The following LHFPL4 variants were observed in gnomAD, a reference collection of about 807,000 sequenced individuals.
The protein encoded by LHFPL4 is LHFPL tetraspan subfamily member 4, also known as LHFPL tetraspan subfamily member 4 protein.
In LHFPL4, 6 loss-of-function variants were observed where a neutral mutation model predicts 20.0. That is an observed-to-expected ratio of 0.30 (90% CI 0.16 to 0.59). The LOEUF is 0.59. LHFPL4 is among the 20% of genes least tolerant of loss of function. LHFPL4 has a pLI of 0.88. For synonymous variants in LHFPL4, 129 were observed against 143.8 expected, an observed-to-expected ratio of 0.90 and a Z score of 0.74; for missense variants, 215 against 331.2, an observed-to-expected ratio of 0.65 and a Z score of 2.72.
Position 9,552,323 on chromosome 3 carries a change from G to A in LHFPL4, c.357C>T (p.Cys119=), listed in dbSNP as rs1156838454. 1.2e-6 allele frequency: 2 copies of A among 1,613,682 alleles called. No individual in the cohort carries two copies. Among genetic ancestry groups the A allele is most frequent in the Non-Finnish European group, 1.7e-6 (2 of 1,179,854 alleles). Residue 119 remains cysteine (C), a synonymous_variant, in exon 2 of 4, where the codon TGC becomes TGT. Transcript: ENST00000287585. The part of the protein sequence containing the change: ...CITCFSLFFF[C]NTATVYKICA... ...AGATCTTGTAGACCGTAGCCGTGTT[G>A]CAGAAGAAGAAAAGCGAAAAGCAGG... is the stretch of plus-strand genomic sequence containing the variant.
rs547654699 is a variant in LHFPL4 at position 9,535,990 on chromosome 3, G to A, written c.406+16284C>T. On this transcript the variant is annotated intron_variant, in intron 2 of 3. Coordinates refer to ENST00000287585, the MANE Select transcript of LHFPL4 (RefSeq NM_198560.3). ...CTAATTTTTGTATTTTTTTAGAGAG[G>A]GGGTTTCATCATGTTGCCCAGGCTG... Among the ~76,000 whole-genome samples the A allele has an allele frequency of 1.1e-4, 16 of 152,128 alleles. No individual in the cohort carries two copies. In the South Asian group the frequency reaches 3.1e-3, roughly 30 times the overall value.
At position 9,552,398 on chromosome 3, in the gene LHFPL4, C is replaced by G. The variant is rs141817196; in HGVS notation, c.282G>C (p.Ala94=). The G allele has an allele frequency of 2.5e-5, 40 of 1,613,812 alleles. No individual in the cohort carries two copies. Among genetic ancestry groups the G allele is most frequent in the African/African-American group, 4.0e-5 (3 of 74,938 alleles). ...TGGAGAGCAGCACGAAGAAGGCGGC[C>G]GCCTTGAAGGCGCTGGACGGGATGG... ...FSTIPSSAFK[A]AAFFVLLSMV... The change falls in exon 2 of 4, where the codon GCG becomes GCC. Residue 94 remains alanine, a synonymous_variant. Transcript: ENST00000287585.
At chr3:9,517,718 A>G (rs1343375377) in intron 2 of LHFPL4, among the ~76,000 whole-genome samples, 1 of 145,648 alleles carries the variant, frequency 6.9e-6, no homozygotes, top group African/African-American at 2.5e-5. Flanking sequence ...CCACTTGTTC[A>G]TTTCTGGTAC....
Position 9,528,132 on chromosome 3 carries a change from C to T in LHFPL4, c.407-21929G>A, listed in dbSNP as rs138950428. ...GCAATTTCTGAAAATAAGATAACAA[C>T]GAAGTTTGCCACATCGATTGACTTT... On this transcript the variant is annotated intron_variant, in intron 2 of 3. Transcript: ENST00000287585. Among the ~76,000 whole-genome samples the T allele has an allele frequency of 4.0e-3, 610 of 152,212 alleles. 3 individuals are homozygous for T. Among genetic ancestry groups the T allele is most frequent in the Non-Finnish European group, 6.4e-3 (433 of 68,010 alleles).
At chr3:9,543,897 A>G (rs969975311) in intron 2 of LHFPL4, among the ~76,000 whole-genome samples, 1 of 151,688 alleles carries the variant, frequency 6.6e-6, no homozygotes, top group African/African-American at 2.4e-5. Flanking sequence ...ATGCCCAGCT[A>G]GTTTTTGTAG....
chr3:9,530,026 C>CT (rs60964315), intron 2 of LHFPL4, among the ~76,000 whole-genome samples: 22,593 of 150,906 alleles, frequency 0.15, 2,640 homozygotes, highest in East Asian at 0.4. Context: ...GTCATTCAGG[C>CT]TTTTTCCATT....
chr3:9,533,935 C>T (rs182975072), intron 2 of LHFPL4, among the ~76,000 whole-genome samples: 197 of 151,888 alleles, frequency 1.3e-3, no homozygotes, highest in African/African-American at 4.6e-3. Context: ...TGCATAGGGT[C>T]GGACACAGTG....
intron 2 of LHFPL4, among the ~76,000 whole-genome samples, chr3:9,510,939 A>AAAAT (rs201323329): frequency 0.073 from 10,724 of 147,454 alleles, 399 homozygotes; most frequent in East Asian, 0.11. Flanking sequence ...CTCCATCTCA[A>AAAAT]AAATAAATAA....
chr3:9,532,065 A>T (rs1343082347), intron 2 of LHFPL4, among the ~76,000 whole-genome samples: 1 of 151,950 alleles, frequency 6.6e-6, no homozygotes, highest in Non-Finnish European at 1.5e-5. Context: ...TCACTCTGTC[A>T]CCCAGGCTGG....
At chr3:9,512,297 T>A (rs1480744725) in intron 2 of LHFPL4, among the ~76,000 whole-genome samples, 1 of 152,194 alleles carries the variant, frequency 6.6e-6, no homozygotes, top group Non-Finnish European at 1.5e-5. Context: ...GAAATGAGGA[T>A]CATGACATTT....
intron 2 of LHFPL4, among the ~76,000 whole-genome samples, chr3:9,538,485 C>T (rs1178019903): frequency 6.6e-6 from 1 of 152,210 alleles, no homozygotes; most frequent in East Asian, 1.9e-4. Flanking sequence ...TCCGGTCACA[C>T]AACAACAAAT....
intron 2 of LHFPL4, among the ~76,000 whole-genome samples, chr3:9,510,119 C>A (rs1255811819): frequency 1.3e-5 from 2 of 152,160 alleles, no homozygotes; most frequent in African/African-American, 2.4e-5. Flanking sequence ...CTCTACCCAC[C>A]AGATGCCAGG....
At chr3:9,550,678 GA>G (rs2046547623) in intron 2 of LHFPL4, 1 of 152,140 alleles carries the variant, frequency 6.6e-6, no homozygotes, top group South Asian at 2.1e-4. Context: ...AAATAGAATA[GA>G]AATACATAAT....
intron 2 of LHFPL4, among the ~76,000 whole-genome samples, chr3:9,529,448 A>C (rs1329983670): frequency 9.2e-5 from 14 of 152,318 alleles, no homozygotes; most frequent in Admixed American, 8.5e-4. Context: ...TAGCCTTTCA[A>C]AATGTATTTC....
chr3:9,505,840 T>G, intron 3 of LHFPL4, 127 bp downstream of exon 3: 1 of 909,950 alleles, frequency 1.1e-6, no homozygotes, highest in Non-Finnish European at 1.7e-6. Context: ...ATTATAGGCG[T>G]GAGCCACCAC....
chr3:9,502,034 C>CT lies in LHFPL4; in HGVS notation c.*176dup, dbSNP rs2125654011. 4 of 620,918 alleles carry CT rather than the reference C, an allele frequency of 6.4e-6. No individual in the cohort carries two copies. In the South Asian group the frequency reaches 7.8e-5, roughly 12 times the overall value. 38.5% of individuals were successfully genotyped at this position (620,918 alleles called of 1,614,324 possible). A position where few individuals can be genotyped will look rare whatever the true frequency, so the allele number is the denominator to read the frequency against. ...CCTCCCAAGGTTTGGAGGGCCTCTCCTCTCCCCCAGGCCACATCCAGGCTT... is the reference window on the plus strand; with the variant it reads ...CCTCCCAAGGTTTGGAGGGCCTCTCCTTCTCCCCCAGGCCACATCCAGGCTT... On this transcript the variant is annotated 3_prime_UTR_variant, in exon 4 of 4. Transcript: ENST00000287585.
intron 2 of LHFPL4, among the ~76,000 whole-genome samples, chr3:9,543,733 T>TTTC (rs975351454): frequency 4.1e-5 from 6 of 145,536 alleles, no homozygotes; most frequent in African/African-American, 1.5e-4. Context: ...GTTTTGGTTT[T>TTTC]TTTTTTTTTT....
chr3:9,546,350 CA>C (rs1243059602), intron 2 of LHFPL4, among the ~76,000 whole-genome samples: 1 of 151,266 alleles, frequency 6.6e-6, no homozygotes, highest in Non-Finnish European at 1.5e-5. Context: ...AAAGAACACA[CA>C]ACTGGAAGGC....
chr3:9,502,133 G>T lies in LHFPL4; in HGVS notation c.*78C>A. Reference sequence around the variant, plus strand: ...TCTGAGATCAGGGTCTTCCCTCAGAGCTTGAATGGAGTGACGAGAGGGCAG... The same window carrying T: ...TCTGAGATCAGGGTCTTCCCTCAGATCTTGAATGGAGTGACGAGAGGGCAG... On this transcript the variant is annotated 3_prime_UTR_variant, in exon 4 of 4. Transcript: ENST00000287585. The T allele has an allele frequency of 9.8e-7, 1 of 1,025,376 alleles. No homozygotes were observed. The highest frequency in any genetic ancestry group is 1.5e-6 in the Non-Finnish European group (1 of 653,166). 63.5% of individuals were successfully genotyped at this position (1,025,376 alleles called of 1,614,324 possible). A position where few individuals can be genotyped will look rare whatever the true frequency, so the allele number is the denominator to read the frequency against.
Sources: gnomAD v4.1 joint callset for allele counts (sites outside exome capture counted in the v4.1 genomes callset) on GRCh38, gnomAD v4.1.1 for gene constraint, MANE v1.5 for transcripts, NCBI Gene and HGNC (gene_info 2026-07-23, HGNC 2026-07-21) for gene names.